GATA4: variants seen among roughly 807,000 people sequenced by gnomAD.
GATA4 encodes the protein GATA binding protein 4, also known as transcription factor GATA-4.
A neutral mutation model predicts 37.9 loss-of-function variants in GATA4; 7 were observed. The ratio of observed to expected loss-of-function variants is 0.18; its 90% confidence interval spans 0.11 to 0.35. GATA4 has a LOEUF of 0.35. Ranked by LOEUF, GATA4 falls within the 10% of genes least tolerant of loss-of-function variation. The pLI is 1.00. For synonymous variants in GATA4, 372 were observed against 292.6 expected, an observed-to-expected ratio of 1.27 and a Z score of -2.77; for missense variants, 647 against 653.0, an observed-to-expected ratio of 0.99 and a Z score of 0.10.
chr8:11,743,832 C>G (rs1801886893), intron 2 of GATA4, among the ~76,000 whole-genome samples: 2 of 152,180 alleles, frequency 1.3e-5, no homozygotes, highest in South Asian at 4.1e-4. Flanking sequence ...ATAGGAATAT[C>G]CATACTGCAC....
intron 1 of GATA4, among the ~76,000 whole-genome samples, chr8:11,695,136 T>C (rs1168745284): frequency 1.3e-5 from 2 of 152,198 alleles, no homozygotes; most frequent in Admixed American, 6.5e-5. Flanking sequence ...GGGGGCGCGG[T>C]GGCTCACTCC....
Position 11,708,989 on chromosome 8 carries a change from T to G in GATA4, c.616+61T>G, listed in dbSNP as rs1800040082. 2 of 1,468,190 alleles carry G rather than the reference T, an allele frequency of 1.4e-6. No homozygotes were observed. Among genetic ancestry groups the G allele is most frequent in the Non-Finnish European group, 1.8e-6 (2 of 1,110,644 alleles). 90.9% of individuals were successfully genotyped at this position (1,468,190 alleles called of 1,614,324 possible). Reference sequence around the variant, plus strand: ...CCGGGGCAGGGGCCGTCTTGAGCCCTGTCGAGGGCCTCTTGTTTTTCCACC... The same window carrying G: ...CCGGGGCAGGGGCCGTCTTGAGCCCGGTCGAGGGCCTCTTGTTTTTCCACC... On this transcript the variant is annotated intron_variant, in intron 2 of 6. Transcript: ENST00000532059. This position sits in a 1 kb window ranked among gnomAD's most constrained non-coding sequence, Gnocchi z 6.7.
intron 1 of GATA4, chr8:11,682,985 A>G: frequency 2.3e-6 from 2 of 854,368 alleles, no homozygotes; most frequent in Non-Finnish European, 2.8e-6. Flanking sequence ...TACTGGGTTC[A>G]GAGAAAGTTC....
chr8:11,710,525 A>C (rs1800131024), intron 2 of GATA4, among the ~76,000 whole-genome samples: 1 of 95,670 alleles, frequency 1.0e-5, no homozygotes, highest in Non-Finnish European at 2.2e-5. Context: ...ACTAAAATAC[A>C]AAAAAAAAAA....
chr8:11,681,582 C>T, intron 1 of GATA4: 1 of 494,854 alleles, frequency 2.0e-6, no homozygotes, highest in South Asian at 8.6e-5. Context: ...CCTCCTCCAC[C>T]CCACTCGCTG....
intron 2 of GATA4, among the ~76,000 whole-genome samples, chr8:11,718,880 T>C (rs2130130955): frequency 6.6e-6 from 1 of 152,348 alleles, no homozygotes; most frequent in South Asian, 2.1e-4. Context: ...ACTTTTGCAA[T>C]GTTTCCAAAC....
intron 2 of GATA4, among the ~76,000 whole-genome samples, chr8:11,737,918 C>T (rs147963890): frequency 3.3e-4 from 50 of 152,216 alleles, no homozygotes; most frequent in African/African-American, 9.9e-4. Context: ...TGGTGGCGCA[C>T]GCCTGTAATC....
chr8:11,685,572 C>G (rs1468534466), intron 1 of GATA4, among the ~76,000 whole-genome samples: 1 of 152,222 alleles, frequency 6.6e-6, no homozygotes, highest in Non-Finnish European at 1.5e-5. Context: ...GGACTCAAAA[C>G]TCCAAGAACA....
intron 2 of GATA4, among the ~76,000 whole-genome samples, chr8:11,745,264 A>G (rs916484792): frequency 9.9e-5 from 15 of 152,072 alleles, no homozygotes; most frequent in Non-Finnish European, 1.6e-4. Context: ...GCGTCCTTTA[A>G]TAAGATTCTG....
rs149517901 is a variant in GATA4, at chr8:11,697,469, C to T, written c.-728-3039C>T. 1.6e-5 allele frequency: 12 copies of T among 757,556 alleles called. No homozygotes were observed. The East Asian group carries it at 1.3e-3, about 82-fold the overall frequency. The allele number at this position is 757,556 out of a possible 1,614,324, so 46.9% of individuals were successfully genotyped here. The stretch of plus-strand genomic sequence containing the variant: ...AATAGGAACCTCCCAGCTGGGGAAG[C>T]GGTGTTCGGAGGGGAGCAGCGCTCT... On this transcript the variant is annotated intron_variant, in intron 1 of 2. Coordinates refer to the GATA4 transcript ENST00000526974.
At chr8:11,735,577 T>C (rs976764319) in intron 2 of GATA4, among the ~76,000 whole-genome samples, 3 of 152,228 alleles carry the variant, frequency 2.0e-5, no homozygotes, top group African/African-American at 4.8e-5. Flanking sequence ...TTCTTTCTTT[T>C]TTGAGACGGA....
chr8:11,741,546 C>T (rs538542807), intron 2 of GATA4, among the ~76,000 whole-genome samples: 8 of 152,130 alleles, frequency 5.3e-5, no homozygotes, highest in African/African-American at 1.9e-4. Flanking sequence ...GCGGACTTAG[C>T]TCTATGGCAT....
chr8:11,757,191 C>A, intron 6 of GATA4, 108 bp downstream of exon 6: 1 of 1,488,838 alleles, frequency 6.7e-7, no homozygotes, highest in Non-Finnish European at 9.1e-7. Flanking sequence ...CTCACAGGTG[C>A]AAGCAGTGAG....
chr8:11,700,114 T>G (rs1799625389), upstream of GATA4, among the ~76,000 whole-genome samples: 1 of 152,172 alleles, frequency 6.6e-6, no homozygotes, highest in Admixed American at 6.5e-5. Context: ...CCCTTCCTCT[T>G]GCTAATGATA....
chr8:11,713,585 C>G (rs1244523388), intron 2 of GATA4, among the ~76,000 whole-genome samples: 1 of 150,228 alleles, frequency 6.7e-6, no homozygotes, highest in Non-Finnish European at 1.5e-5. Flanking sequence ...GGAGAAGTCA[C>G]TGAGTGGATG....
chr8:11,710,906 G>T (rs950495132), intron 2 of GATA4, among the ~76,000 whole-genome samples: 1 of 152,094 alleles, frequency 6.6e-6, no homozygotes, highest in African/African-American at 2.4e-5. Flanking sequence ...CGGATCACAA[G>T]GTCAGGAGTT....
chr8:11,730,468 T>C (rs554603483), intron 2 of GATA4, among the ~76,000 whole-genome samples: 1 of 152,212 alleles, frequency 6.6e-6, no homozygotes, highest in Non-Finnish European at 1.5e-5. Context: ...CGGAATAGAA[T>C]GTGAAACAGG....
At chr8:11,731,229 T>A (rs1054838869) in intron 2 of GATA4, among the ~76,000 whole-genome samples, 1 of 152,248 alleles carries the variant, frequency 6.6e-6, no homozygotes, top group South Asian at 2.1e-4. Flanking sequence ...ATTTGATTGA[T>A]GTATTTTGAG....
chr8:11,756,478 A>T (rs560118141), intron 5 of GATA4: 6 of 223,486 alleles, frequency 2.7e-5, no homozygotes, highest in African/African-American at 1.4e-4. Context: ...CAAATCCAGG[A>T]AGCAAGATTC....
Sources: gnomAD v4.1 joint callset for allele counts (sites outside exome capture counted in the v4.1 genomes callset) on GRCh38, gnomAD v4.1.1 for gene constraint, Gnocchi (gnomAD v3.1) non-coding constraint, MANE v1.5 for transcripts, NCBI Gene and HGNC (gene_info 2026-07-23, HGNC 2026-07-21) for gene names.